Variants in BRSK2 observed in about 807,000 individuals in gnomAD.
BRSK2 encodes the protein serine/threonine-protein kinase BRSK2.
In BRSK2, 19 loss-of-function variants were observed where a neutral mutation model predicts 83.3. The ratio of observed to expected loss-of-function variants is 0.23; its 90% confidence interval spans 0.16 to 0.33. The LOEUF is 0.33. BRSK2 is among the 10% of genes least tolerant of loss of function. The pLI, the probability that BRSK2 is intolerant of heterozygous loss-of-function variation, is 1.00. For synonymous variants in BRSK2, 519 were observed against 435.4 expected (o/e 1.19, Z -2.39); for missense variants, 798 against 1,042.3 (o/e 0.77, Z 3.23).
Position 1,461,565 on chromosome 11 carries a change from G to C in BRSK2, c.*842G>C, listed in dbSNP as rs1049466264. 2 of 164,732 alleles carry C rather than the reference G, an allele frequency of 1.2e-5. No individual in the cohort carries two copies. The highest frequency in any genetic ancestry group is 4.8e-5 in the African/African-American group (2 of 41,510). 10.2% of individuals were successfully genotyped at this position (164,732 alleles called of 1,614,324 possible). A position where few individuals can be genotyped will look rare whatever the true frequency, so the allele number is the denominator to read the frequency against. ...TATTTATTTGCCGTTTTAATTTATG[G>C]ATTCTCCGCACCTCTGTTCAGGGAA... On this transcript the variant is annotated 3_prime_UTR_variant, in exon 20 of 20. Transcript: ENST00000528841.
rs146708182 is a variant in BRSK2 at position 1,405,805 on chromosome 11, G to A, written c.91+15430G>A. On this transcript the variant is annotated intron_variant, in intron 1 of 19. Transcript: ENST00000528841. ...CCAGCAGCCCGCATCTCCAGCGCTCGGTCCTTCCTGCCTACCTGCGTGGCA... is the reference window on the plus strand; with the variant it reads ...CCAGCAGCCCGCATCTCCAGCGCTCAGTCCTTCCTGCCTACCTGCGTGGCA... Among the ~76,000 whole-genome samples the A allele has an allele frequency of 4.0e-3, 602 of 152,158 alleles. 10 individuals are homozygous for A. The highest frequency in any genetic ancestry group is 1.4e-3 in the East Asian group (7 of 5,184).
intron 19 of BRSK2, 80 bp from the exon 20 acceptor site, chr11:1,460,420 C>A (rs1451193813): frequency 3.8e-6 from 3 of 782,450 alleles, no homozygotes; most frequent in Non-Finnish European, 3.5e-6. Flanking sequence ...CTCTCTCCTT[C>A]CCTCCCCTCC....
chr11:1,396,995 G>A (rs538323256), intron 1 of BRSK2, among the ~76,000 whole-genome samples: 17 of 152,372 alleles, frequency 1.1e-4, no homozygotes, highest in South Asian at 1.0e-3. Context: ...ACACCGTACC[G>A]CGCAGGAGGA....
rs1464631538 is a variant in BRSK2 at position 1,459,066 on chromosome 11, A to G, written c.1940-126A>G. Reference sequence around the variant, plus strand: ...CTGGCCCCCCCAGTATTCCCCACCCATGCCTCTGGGGCCCTACCCACTCCT... The same window carrying G: ...CTGGCCCCCCCAGTATTCCCCACCCGTGCCTCTGGGGCCCTACCCACTCCT... On this transcript the variant is annotated intron_variant, in intron 18 of 19. Transcript: ENST00000528841. 16 of 320,012 alleles carry G rather than the reference A, an allele frequency of 5.0e-5. No individual in the cohort carries two copies. The Admixed American group carries it at 5.5e-4, about 11-fold the overall frequency. The allele number at this position is 320,012 out of a possible 1,614,324, so 19.8% of individuals were successfully genotyped here.
intron 1 of BRSK2, among the ~76,000 whole-genome samples, chr11:1,428,763 CGAGT>C (rs751847294): frequency 5.3e-5 from 8 of 152,102 alleles, no homozygotes; most frequent in Non-Finnish European, 8.8e-5. Flanking sequence ...GGTATGTGCA[CGAGT>C]GTGTGTGCAC....
intron 4 of BRSK2, among the ~76,000 whole-genome samples, chr11:1,441,308 C>G (rs1431522522): frequency 3.9e-5 from 2 of 51,328 alleles, no homozygotes; most frequent in African/African-American, 1.7e-4. Flanking sequence ...AGTGCACCAT[C>G]CCCCCCATTA....
intron 1 of BRSK2, among the ~76,000 whole-genome samples, chr11:1,402,148 G>T (rs1011031351): frequency 3.3e-5 from 5 of 152,324 alleles, no homozygotes; most frequent in African/African-American, 1.2e-4. Flanking sequence ...CGGAGAGCAG[G>T]CATGGAGCAG....
At chr11:1,408,323 C>T (rs913992962) in intron 1 of BRSK2, among the ~76,000 whole-genome samples, 10 of 152,248 alleles carry the variant, frequency 6.6e-5, no homozygotes, top group Non-Finnish European at 1.0e-4. Flanking sequence ...CCTCTCATAG[C>T]CCCTGGCTTT....
chr11:1,427,170 G>A (rs1207875482), intron 1 of BRSK2, among the ~76,000 whole-genome samples: 2 of 152,042 alleles, frequency 1.3e-5, no homozygotes, highest in African/African-American at 4.8e-5. Context: ...GCAGGGCGCT[G>A]CCGGCAGAGC....
rs148753131 is a variant in BRSK2 at position 1,440,982 on chromosome 11, C to T, written c.413+54C>T. The T allele has an allele frequency of 4.8e-4, 733 of 1,530,724 alleles. 5 individuals are homozygous for T. In the African/African-American group the frequency reaches 8.3e-3, roughly 17 times the overall value. 94.8% of individuals were successfully genotyped at this position (1,530,724 alleles called of 1,614,324 possible). Reference sequence around the variant, plus strand: ...TCCCCAGGGACCCCCACACCCAGTGCGCTACCACAGATGCCCCCTGTGCCC... The same window carrying T: ...TCCCCAGGGACCCCCACACCCAGTGTGCTACCACAGATGCCCCCTGTGCCC... On this transcript the variant is annotated intron_variant, in intron 4 of 19. Transcript: ENST00000528841.
chr11:1,441,194 GC>G (rs1473611552), intron 4 of BRSK2, among the ~76,000 whole-genome samples: 1 of 56,976 alleles, frequency 1.8e-5, no homozygotes, highest in East Asian at 5.0e-4. Context: ...CCCCATAGCG[GC>G]CCCTCAAGTG....
At chr11:1,456,214 C>T (rs1019235279) in intron 16 of BRSK2, 134 bp from the exon 17 acceptor site, 1 of 945,584 alleles carries the variant, frequency 1.1e-6, no homozygotes. Flanking sequence ...GCACTGTGCC[C>T]CTCACGGAAG....
rs926409990 is a variant in BRSK2 at position 1,390,760 on chromosome 11, C to A, written c.91+385C>A. Among the ~76,000 whole-genome samples the A allele has an allele frequency of 6.6e-6, 1 of 151,812 alleles. No homozygotes were observed. Among genetic ancestry groups the A allele is most frequent in the Admixed American group, 6.6e-5 (1 of 15,252 alleles). ...CGCGCGGGCGCCCATCTGCCGTCTG[C>A]CGCGGCCGCGCTAATAGGCGTGCTG... On this transcript the variant is annotated intron_variant, in intron 1 of 19. Transcript: ENST00000528841. The surrounding 1 kb of genome is among the most constrained non-coding windows in gnomAD (Gnocchi z 6.8).
chr11:1,401,972 C>T (rs1167926816), intron 1 of BRSK2, among the ~76,000 whole-genome samples: 1 of 152,176 alleles, frequency 6.6e-6, no homozygotes, highest in Non-Finnish European at 1.5e-5. Flanking sequence ...AGGAGGAAAC[C>T]AGATGTGTTC....
At chr11:1,420,205 T>C (rs546309395) in intron 1 of BRSK2, among the ~76,000 whole-genome samples, 5 of 152,308 alleles carry the variant, frequency 3.3e-5, no homozygotes, top group African/African-American at 9.6e-5. Flanking sequence ...GGGCAGGAAG[T>C]GGGGTGGCCT....
chr11:1,412,943 C>T (rs570838837), intron 1 of BRSK2, among the ~76,000 whole-genome samples: 29 of 151,652 alleles, frequency 1.9e-4, no homozygotes, highest in South Asian at 1.7e-3. Flanking sequence ...CCACCGTGCA[C>T]GCCCTTTCTG....
intron 1 of BRSK2, among the ~76,000 whole-genome samples, chr11:1,397,389 G>A (rs565532351): frequency 6.6e-6 from 1 of 152,326 alleles, no homozygotes; most frequent in African/African-American, 2.4e-5. Context: ...GCCTCTGAGG[G>A]GCCAGTGTTC....
intron 1 of BRSK2, among the ~76,000 whole-genome samples, chr11:1,404,793 C>T (rs183760942): frequency 9.1e-4 from 138 of 152,336 alleles, no homozygotes; most frequent in African/African-American, 2.8e-3. Flanking sequence ...CTATTCTTAC[C>T]GCGCCCTGGA....
At position 1,461,048 on chromosome 11, in the gene BRSK2, T is replaced by A; in HGVS notation, c.*325T>A. 1 of 1,604,064 alleles carries A rather than the reference T, an allele frequency of 6.2e-7. No homozygotes were observed. The highest frequency in any genetic ancestry group is 1.3e-5 in the African/African-American group (1 of 74,728). ...GAAGGCAGCTGCTGCGGACCCGCCC[T>A]CCCTCCGCTCCTGCTGTTGCTGCCG... is the stretch of plus-strand genomic sequence containing the variant. On this transcript the variant is annotated 3_prime_UTR_variant, in exon 20 of 20. Transcript: ENST00000528841.
Sources: gnomAD v4.1 joint callset for allele counts (sites outside exome capture counted in the v4.1 genomes callset) on GRCh38, gnomAD v4.1.1 for gene constraint, Gnocchi (gnomAD v3.1) non-coding constraint, MANE v1.5 for transcripts, NCBI Gene and HGNC (gene_info 2026-07-23, HGNC 2026-07-21) for gene names.